Variants in TXLNB observed in about 807,000 individuals in gnomAD.
The protein encoded by TXLNB is taxilin beta.
Under a neutral mutation model 57.4 loss-of-function variants are expected in TXLNB, and 37 were observed. That is an observed-to-expected ratio of 0.64 (90% CI 0.50 to 0.85). TXLNB has a LOEUF of 0.85. TXLNB is among the 40% of genes least tolerant of loss of function. TXLNB has a pLI of 0.00. For missense variants in TXLNB, 848 were observed against 825.6 expected (o/e 1.03, Z -0.33); for synonymous variants, 302 against 309.6 (o/e 0.98, Z 0.26).
chr6:139,292,047 TAC>T (rs139086968), upstream of TXLNB: 52,597 of 150,362 alleles, frequency 0.35, 10,312 homozygotes, highest in African/African-American at 0.55. This position sits in a 1 kb window ranked among gnomAD's most constrained non-coding sequence, Gnocchi z 4.0. Flanking sequence ...AGAAACCCAA[TAC>T]ACACACACAC....
chr6:139,295,140 T>C (rs1203480402), upstream of TXLNB, among the ~76,000 whole-genome samples: 3 of 152,156 alleles, frequency 2.0e-5, no homozygotes, highest in African/African-American at 7.2e-5. Context: ...ACACACATGA[T>C]AGTGGAGGTA....
the TXLNB span, among the ~76,000 whole-genome samples, chr6:139,171,636 C>CT: frequency 5.2e-4 from 78 of 151,182 alleles, 1 homozygote; most frequent in South Asian, 8.4e-3. Context: ...TTTTTTCTTT[C>CT]TTTTTTTTTG....
In TXLNB at chr6:139,288,741, G is replaced by A. The variant is rs147034856; in HGVS notation, c.159C>T (p.Pro53=). 2,556 of 1,614,156 alleles carry A rather than the reference G, an allele frequency of 1.6e-3. 8 individuals carry two copies. Among genetic ancestry groups the A allele is most frequent in the South Asian group, 3.9e-3 (355 of 91,070 alleles). The part of the protein sequence containing the change: ...QPPEKEASVH[P]DISEELNRQL... ...GTCGATTCAGCTCTTCAGAGATATC[G>A]GGGTGCACACTTGCCTCTTTCTCTG... Residue 53 remains proline, a synonymous_variant, in exon 2 of 10, where the codon CCC becomes CCT. Transcript: ENST00000358430.
chr6:139,255,542 T>C (rs755943231), intron 7 of TXLNB, 22 bp downstream of exon 7: 1 of 1,609,514 alleles, frequency 6.2e-7, no homozygotes, highest in African/African-American at 1.3e-5. Context: ...AGCACCCCCA[T>C]GCCTCGTCCA....
intron 6 of TXLNB, 70 bp from the exon 7 acceptor site, chr6:139,255,708 G>C: frequency 7.7e-7 from 1 of 1,300,850 alleles, no homozygotes; most frequent in South Asian, 1.2e-5. Flanking sequence ...GCTGTAATTT[G>C]TCTACAAAAC....
the TXLNB span, among the ~76,000 whole-genome samples, chr6:139,171,752 C>A: frequency 6.6e-6 from 1 of 152,072 alleles, no homozygotes; most frequent in Non-Finnish European, 1.5e-5. Flanking sequence ...CCAGCTTCTC[C>A]AGTAGCTAGG....
chr6:139,322,559 T>C, the TXLNB span, among the ~76,000 whole-genome samples: 1 of 152,212 alleles, frequency 6.6e-6, no homozygotes. Context: ...CTCCATCCTT[T>C]AGTTACTCAG....
the TXLNB span, among the ~76,000 whole-genome samples, chr6:139,302,596 T>G: frequency 7.3e-6 from 1 of 137,524 alleles, no homozygotes; most frequent in South Asian, 2.4e-4. Context: ...AAACCCCATC[T>G]CTACTAAAAA....
the TXLNB span, among the ~76,000 whole-genome samples, chr6:139,308,491 T>C: frequency 2.0e-5 from 3 of 152,238 alleles, no homozygotes; most frequent in South Asian, 2.1e-4. Flanking sequence ...ATGACTACTG[T>C]AGGCTTTATT....
At position 139,242,014 on chromosome 6, in the gene TXLNB, A is replaced by C. The variant is rs1404816468; in HGVS notation, c.*512T>G. The C allele has an allele frequency of 6.6e-6, 1 of 151,430 alleles. No homozygotes were observed. Among genetic ancestry groups the C allele is most frequent in the East Asian group, 1.9e-4 (1 of 5,194 alleles). The allele number at this position is 151,430 out of a possible 1,614,324, so 9.4% of individuals were successfully genotyped here. A position where few individuals can be genotyped will look rare whatever the true frequency, so the allele number is the denominator to read the frequency against. ...ATACGTGCATATATGTATATAAACA[A>C]ATATTCACACATCTATACATACGTG... On this transcript the variant is annotated 3_prime_UTR_variant, in exon 10 of 10. Coordinates refer to ENST00000358430, the MANE Select transcript of TXLNB (RefSeq NM_153235.4).
chr6:139,302,224 G>GT, the TXLNB span, among the ~76,000 whole-genome samples: 1 of 151,182 alleles, frequency 6.6e-6, no homozygotes, highest in African/African-American at 2.4e-5. Flanking sequence ...ATTTTTAAGC[G>GT]TAAGAAGAGA....
the TXLNB span, among the ~76,000 whole-genome samples, chr6:139,201,207 C>T: frequency 6.6e-6 from 1 of 152,192 alleles, no homozygotes; most frequent in South Asian, 2.1e-4. Context: ...AAAGAGTTGT[C>T]CAATTTCCTG....
the TXLNB span, among the ~76,000 whole-genome samples, chr6:139,202,423 AT>A: frequency 6.6e-6 from 1 of 152,164 alleles, no homozygotes; most frequent in Admixed American, 6.5e-5. Context: ...TGTTTTAAAG[AT>A]TATTAAAAAC....
At chr6:139,200,736 T>C in the TXLNB span, among the ~76,000 whole-genome samples, 2 of 152,294 alleles carry the variant, frequency 1.3e-5, no homozygotes, top group South Asian at 4.1e-4. Context: ...CAAAGATTTA[T>C]TGAGGGACTG....
intron 9 of TXLNB, among the ~76,000 whole-genome samples, 178 bp from the exon 10 acceptor site, chr6:139,243,492 CTTTTTTTTT>C (rs1161954954): frequency 1.6e-3 from 209 of 128,062 alleles, no homozygotes; most frequent in African/African-American, 5.6e-3. Flanking sequence ...CATCACTTTC[CTTTTTTTTT>C]TTTTTTTTTG....
chr6:139,314,867 G>A, the TXLNB span, among the ~76,000 whole-genome samples: 2 of 152,150 alleles, frequency 1.3e-5, no homozygotes, highest in Non-Finnish European at 2.9e-5. Flanking sequence ...AATTCAGTTT[G>A]TGGTTTGACT....
chr6:139,166,936 G>A, the TXLNB span: 2 of 1,614,146 alleles, frequency 1.2e-6, no homozygotes, highest in African/African-American at 2.7e-5. Flanking sequence ...AGCCTCACAA[G>A]AAGGCCATGG....
chr6:139,254,462 A>C (rs111492190), intron 7 of TXLNB, among the ~76,000 whole-genome samples: 8 of 152,298 alleles, frequency 5.3e-5, no homozygotes, highest in African/African-American at 1.9e-4. Flanking sequence ...GTGACCTCAC[A>C]GTCCCTTTAG....
At chr6:139,213,936 T>C in the TXLNB span, among the ~76,000 whole-genome samples, 1 of 152,300 alleles carries the variant, frequency 6.6e-6, no homozygotes, top group East Asian at 1.9e-4. Context: ...AGGAAGAAGT[T>C]GAATCTCTGA....
Sources: allele counts gnomAD v4.1 joint callset (sites outside exome capture counted in the v4.1 genomes callset), GRCh38; gene constraint gnomAD v4.1.1; non-coding constraint Gnocchi (gnomAD v3.1); transcripts MANE v1.5; gene names NCBI Gene and HGNC (gene_info 2026-07-23, HGNC 2026-07-21).